Variants in SGCZ observed in about 807,000 individuals in gnomAD.
SGCZ encodes the protein zeta-sarcoglycan.
In SGCZ, 40 loss-of-function variants were observed where a neutral mutation model predicts 41.3. The observed-to-expected ratio is 0.97, with a 90% CI of 0.75 to 1.26. The LOEUF is 1.26. SGCZ is among the 50% of genes most tolerant of loss of function. The pLI, the probability that SGCZ is intolerant of heterozygous loss-of-function variation, is 0.00. For missense variants in SGCZ, 552 were observed against 369.8 expected, an observed-to-expected ratio of 1.49 and a Z score of -4.04; for synonymous variants, 206 against 137.5, an observed-to-expected ratio of 1.50 and a Z score of -3.49.
At chr8:14,549,151 T>TTG (rs140951856) in intron 2 of SGCZ, among the ~76,000 whole-genome samples, 22,552 of 151,130 alleles carry the variant, frequency 0.15, 1,803 homozygotes, top group South Asian at 0.25. Context: ...AAATTCAAGT[T>TTG]TGTGTGTGTG....
intron 5 of SGCZ, among the ~76,000 whole-genome samples, chr8:14,118,412 G>GTT (rs1279002397): frequency 2.0e-5 from 3 of 151,986 alleles, no homozygotes; most frequent in African/African-American, 7.3e-5. Context: ...TTTTTGATGG[G>GTT]GTTGTTTTTT....
chr8:15,015,226 G>C (rs1391163428), intron 1 of SGCZ, among the ~76,000 whole-genome samples: 1 of 151,592 alleles, frequency 6.6e-6, no homozygotes, highest in Non-Finnish European at 1.5e-5. Context: ...CTGAGAAACA[G>C]AGTGAGACTC....
intron 2 of SGCZ, among the ~76,000 whole-genome samples, chr8:14,360,468 G>T (rs1333077821): frequency 1.3e-5 from 2 of 151,882 alleles, no homozygotes; most frequent in Non-Finnish European, 2.9e-5. Context: ...TGGGATTACA[G>T]GCACGCATCA....
intron 3 of SGCZ, among the ~76,000 whole-genome samples, chr8:14,300,662 G>A (rs991362489): frequency 6.6e-6 from 1 of 151,924 alleles, no homozygotes; most frequent in Admixed American, 6.6e-5. Flanking sequence ...TTATGAGAAT[G>A]GTGGTCGTAT....
chr8:14,801,504 G>A (rs888759045), intron 1 of SGCZ, among the ~76,000 whole-genome samples: 3 of 152,122 alleles, frequency 2.0e-5, no homozygotes, highest in Non-Finnish European at 4.4e-5. Flanking sequence ...CTAAATATAA[G>A]AAAGTACAGA....
chr8:14,149,487 A>C (rs915632094), intron 5 of SGCZ, among the ~76,000 whole-genome samples: 28 of 152,108 alleles, frequency 1.8e-4, no homozygotes, highest in African/African-American at 5.8e-4. Context: ...TCAGTGATGG[A>C]AACTATAAAA....
chr8:14,377,345 C>G (rs1804169537), intron 2 of SGCZ, among the ~76,000 whole-genome samples: 1 of 152,030 alleles, frequency 6.6e-6, no homozygotes, highest in African/African-American at 2.4e-5. Context: ...TTGCCACATA[C>G]CTTGCCCTAT....
At chr8:14,623,473 G>T (rs1239940394) in intron 1 of SGCZ, among the ~76,000 whole-genome samples, 1 of 152,110 alleles carries the variant, frequency 6.6e-6, no homozygotes, top group Non-Finnish European at 1.5e-5. Context: ...TGTTTTTCTG[G>T]ATAATAGGAA....
chr8:14,720,734 C>T (rs62495175), intron 1 of SGCZ, among the ~76,000 whole-genome samples: 27,046 of 151,922 alleles, frequency 0.18, 2,995 homozygotes, highest in East Asian at 0.32. Context: ...ACATAGACCA[C>T]GTAAACTACC....
intron 1 of SGCZ, among the ~76,000 whole-genome samples, chr8:15,156,907 C>G (rs1052808415): frequency 6.7e-6 from 1 of 148,238 alleles, no homozygotes; most frequent in African/African-American, 2.5e-5. Context: ...CATGCAGCAT[C>G]GCACTCCGCC....
chr8:14,821,658 A>C (rs750332927), intron 1 of SGCZ, among the ~76,000 whole-genome samples: 1 of 152,140 alleles, frequency 6.6e-6, no homozygotes, highest in African/African-American at 2.4e-5. Flanking sequence ...GAATGTCTTA[A>C]CATACCCAAA....
At chr8:14,514,931 G>A (rs1395285629) in intron 2 of SGCZ, among the ~76,000 whole-genome samples, 1 of 151,490 alleles carries the variant, frequency 6.6e-6, no homozygotes, top group African/African-American at 2.4e-5. Context: ...ATAGGGGAAT[G>A]ACTAGTAGAA....
intron 1 of SGCZ, among the ~76,000 whole-genome samples, chr8:14,935,360 T>C (rs1800050807): frequency 6.6e-6 from 1 of 151,780 alleles, no homozygotes; most frequent in South Asian, 2.1e-4. Flanking sequence ...GGTAAGTCTT[T>C]CATAGTGTGA....
intron 1 of SGCZ, among the ~76,000 whole-genome samples, chr8:14,701,363 G>C (rs1809131463): frequency 6.6e-6 from 1 of 151,848 alleles, no homozygotes; most frequent in Non-Finnish European, 1.5e-5. Flanking sequence ...CCCCTGAGTG[G>C]TGAGAATATT....
At chr8:14,100,848 A>T (rs1163870716) in intron 7 of SGCZ, among the ~76,000 whole-genome samples, 1 of 151,956 alleles carries the variant, frequency 6.6e-6, no homozygotes, top group African/African-American at 2.4e-5. Flanking sequence ...ATACTCCAGA[A>T]CATGCCTCTC....
rs116349916 is a variant in SGCZ at position 14,734,426 on chromosome 8, C to A, written c.40-179500G>T. 2.9e-3 allele frequency among the ~76,000 whole-genome samples: 439 copies of A among 152,188 alleles called. 5 individuals carry two copies. Among genetic ancestry groups the A allele is most frequent in the African/African-American group, 0.01 (423 of 41,526 alleles). On this transcript the variant is annotated intron_variant, in intron 1 of 7. Transcript: ENST00000382080. ...AAAGAAGTGCTATGATACAAATTCA[C>A]GCATTTGCCCCGAAACTTTTATAAC...
At chr8:14,663,295 G>C (rs1028840573) in intron 1 of SGCZ, among the ~76,000 whole-genome samples, 5 of 152,096 alleles carry the variant, frequency 3.3e-5, no homozygotes, top group African/African-American at 1.2e-4. Context: ...CATAATAAAT[G>C]CTCTTTTTAC....
chr8:14,103,165 ATGCGAT>A (rs1802087738), intron 6 of SGCZ, among the ~76,000 whole-genome samples: 1 of 152,216 alleles, frequency 6.6e-6, no homozygotes, highest in Non-Finnish European at 1.5e-5. Flanking sequence ...ACAAGTACAA[ATGCGAT>A]TGAAGGTTGG....
intron 5 of SGCZ, among the ~76,000 whole-genome samples, chr8:14,138,285 T>A (rs1337925757): frequency 2.0e-5 from 3 of 152,012 alleles, no homozygotes; most frequent in Non-Finnish European, 4.4e-5. Flanking sequence ...ACGAGCAAAA[T>A]AATCAGCTAA....
Sources: allele counts gnomAD v4.1 joint callset (sites outside exome capture counted in the v4.1 genomes callset), GRCh38; gene constraint gnomAD v4.1.1; transcripts MANE v1.5; gene names NCBI Gene and HGNC (gene_info 2026-07-23, HGNC 2026-07-21).